Variants in CNTNAP5 observed in about 807,000 individuals in gnomAD.
CNTNAP5 encodes contactin associated protein family member 5, also known as contactin-associated protein-like 5.
A neutral mutation model predicts 150.2 loss-of-function variants in CNTNAP5; 72 were observed. The observed-to-expected ratio is 0.48, with a 90% CI of 0.40 to 0.58. The LOEUF (loss-of-function observed/expected upper bound fraction) is 0.58. Ranked by LOEUF, CNTNAP5 falls within the 20% of genes least tolerant of loss-of-function variation. The pLI, the probability that CNTNAP5 is intolerant of heterozygous loss-of-function variation, is 0.00. For missense variants in CNTNAP5, 1,636 were observed against 1,626.2 expected (o/e 1.01, Z -0.10); for synonymous variants, 672 against 619.8 (o/e 1.08, Z -1.25).
intron 11 of CNTNAP5, among the ~76,000 whole-genome samples, chr2:124,588,157 T>TTTCC (rs1553482424): frequency 7.6e-5 from 6 of 79,238 alleles, no homozygotes; most frequent in African/African-American, 3.2e-4. Context: ...CTTCCTTCCT[T>TTTCC]TTCCTTCCTT....
intron 1 of CNTNAP5, among the ~76,000 whole-genome samples, chr2:124,086,197 T>C (rs1344698452): frequency 1.7e-5 from 2 of 114,752 alleles, no homozygotes; most frequent in African/African-American, 6.5e-5. Context: ...ACTTTTTTTT[T>C]TTTTTTTTTT....
chr2:124,142,207 CACTGTCAACATTAG>C (rs1345268016), intron 1 of CNTNAP5, among the ~76,000 whole-genome samples: 1 of 115,616 alleles, frequency 8.6e-6, no homozygotes, highest in Non-Finnish European at 1.8e-5. Flanking sequence ...TTTAACACCC[CACTGTCAACATTAG>C]ACAGATCAAC....
intron 1 of CNTNAP5, among the ~76,000 whole-genome samples, chr2:124,140,208 G>T (rs917505218): frequency 5.3e-5 from 8 of 149,856 alleles, no homozygotes; most frequent in African/African-American, 1.5e-4. Flanking sequence ...AACGAGGCTG[G>T]GGGAGGGGCG....
intron 14 of CNTNAP5, among the ~76,000 whole-genome samples, chr2:124,761,202 A>G (rs1330279543): frequency 6.6e-6 from 1 of 152,100 alleles, no homozygotes; most frequent in Non-Finnish European, 1.5e-5. Context: ...AAAACCCACC[A>G]TGACGATCAC....
At chr2:124,051,043 G>A (rs968418869) in intron 1 of CNTNAP5, among the ~76,000 whole-genome samples, 11 of 152,074 alleles carry the variant, frequency 7.2e-5, no homozygotes, top group South Asian at 2.1e-4. Context: ...TCAATCATTC[G>A]GTTAATCTAA....
At chr2:124,720,526 G>A (rs1456414478) in intron 13 of CNTNAP5, among the ~76,000 whole-genome samples, 3 of 150,478 alleles carry the variant, frequency 2.0e-5, no homozygotes, top group African/African-American at 7.3e-5. Context: ...TGCATCCCAA[G>A]AAAAAAAAAT....
chr2:124,388,072 A>T (rs1037137459), intron 3 of CNTNAP5, among the ~76,000 whole-genome samples: 1 of 152,188 alleles, frequency 6.6e-6, no homozygotes, highest in Admixed American at 6.5e-5. Context: ...ACACTTTATA[A>T]CAGTGTGTCT....
At chr2:124,886,127 G>A (rs1678075157) in intron 21 of CNTNAP5, among the ~76,000 whole-genome samples, 1 of 152,038 alleles carries the variant, frequency 6.6e-6, no homozygotes, top group African/African-American at 2.4e-5. Context: ...ACTTAAAGAT[G>A]ATTCTGGTTG....
At chr2:124,027,342 A>G (rs1680920502) in intron 1 of CNTNAP5, among the ~76,000 whole-genome samples, 1 of 152,218 alleles carries the variant, frequency 6.6e-6, no homozygotes, top group African/African-American at 2.4e-5. Flanking sequence ...CTAATGATAC[A>G]AAGGCGTGGC....
chr2:124,355,704 A>T (rs1689981143), intron 3 of CNTNAP5, among the ~76,000 whole-genome samples: 1 of 152,130 alleles, frequency 6.6e-6, no homozygotes. Flanking sequence ...AGCCTGCAAC[A>T]TTGTGTGGGT....
At chr2:124,422,528 T>A (rs915279803) in intron 4 of CNTNAP5, among the ~76,000 whole-genome samples, 5 of 152,186 alleles carry the variant, frequency 3.3e-5, no homozygotes, top group African/African-American at 1.2e-4. Flanking sequence ...CTGCTTCCCC[T>A]GACTCGACAA....
intron 1 of CNTNAP5, among the ~76,000 whole-genome samples, chr2:124,199,413 C>CTTTTTTTTTTT (rs70996049): frequency 2.7e-5 from 3 of 110,034 alleles, no homozygotes; most frequent in Non-Finnish European, 5.2e-5. Context: ...TTCCAAGGTT[C>CTTTTTTTTTTT]TTTTTTTTTT....
intron 18 of CNTNAP5, among the ~76,000 whole-genome samples, chr2:124,796,330 A>C (rs916387253): frequency 6.6e-6 from 1 of 152,168 alleles, no homozygotes; most frequent in African/African-American, 2.4e-5. Flanking sequence ...AAGCACACAC[A>C]CAAATATCAA....
intron 13 of CNTNAP5, among the ~76,000 whole-genome samples, chr2:124,689,865 G>C (rs1170491258): frequency 6.6e-6 from 1 of 151,956 alleles, no homozygotes; most frequent in South Asian, 2.1e-4. Flanking sequence ...CTCCCATTTT[G>C]CCTGTGTGCC....
intron 10 of CNTNAP5, among the ~76,000 whole-genome samples, chr2:124,544,215 T>G (rs1482484255): frequency 6.6e-6 from 1 of 152,102 alleles, no homozygotes; most frequent in Non-Finnish European, 1.5e-5. Context: ...CATGCAAGGC[T>G]AGTTAGTGCT....
intron 3 of CNTNAP5, among the ~76,000 whole-genome samples, chr2:124,251,304 A>G (rs914219950): frequency 2.7e-5 from 4 of 147,364 alleles, no homozygotes; most frequent in Non-Finnish European, 6.0e-5. Flanking sequence ...CCCCCCAAGT[A>G]TTGGAAGTAC....
chr2:124,235,719 C>T (rs1310095681), intron 2 of CNTNAP5, among the ~76,000 whole-genome samples: 1 of 152,132 alleles, frequency 6.6e-6, no homozygotes, highest in Non-Finnish European at 1.5e-5. Flanking sequence ...AAGTCATACA[C>T]AGAATCACTC....
At chr2:124,568,836 G>C (rs1573465472) in intron 11 of CNTNAP5, among the ~76,000 whole-genome samples, 1 of 152,156 alleles carries the variant, frequency 6.6e-6, no homozygotes, top group Admixed American at 6.5e-5. Context: ...ATGAGGTCAG[G>C]AGATCGAGAC....
intron 1 of CNTNAP5, among the ~76,000 whole-genome samples, chr2:124,180,626 G>A (rs1401538590): frequency 6.6e-6 from 1 of 152,094 alleles, no homozygotes; most frequent in African/African-American, 2.4e-5. Context: ...AATTCAAGAT[G>A]AGTTTTATTA....
Sources: gnomAD v4.1 joint callset for allele counts (sites outside exome capture counted in the v4.1 genomes callset) on GRCh38, gnomAD v4.1.1 for gene constraint, MANE v1.5 for transcripts, NCBI Gene and HGNC (gene_info 2026-07-23, HGNC 2026-07-21) for gene names.